IQCJ: variants seen among roughly 807,000 people sequenced by gnomAD.
IQCJ encodes the protein IQ motif containing J.
IQCJ carries 9 observed loss-of-function variants against 11.0 expected under a neutral mutation model. The ratio of observed to expected loss-of-function variants is 0.82; its 90% CI spans 0.49 to 1.43. The LOEUF (loss-of-function observed/expected upper bound fraction) is 1.43. IQCJ is among the 40% of genes most tolerant of loss of function. The probability of loss-of-function intolerance (pLI) is 0.00; values close to 1 mark genes in which losing one functional copy is unlikely to be tolerated. For synonymous variants in IQCJ, 55 were observed against 51.3 expected (o/e 1.07, Z -0.31); for missense variants, 146 against 133.2 (o/e 1.10, Z -0.47).
At chr3:159,155,422 T>G (rs927543055) in intron 1 of IQCJ, among the ~76,000 whole-genome samples, 11 of 152,188 alleles carry the variant, frequency 7.2e-5, no homozygotes, top group Admixed American at 3.3e-4. Context: ...CCTCCCAAAA[T>G]GTTGGGATTA....
In IQCJ at chr3:159,262,528, G is replaced by T. The variant is rs772239276; in HGVS notation, c.156-20G>T. On this transcript the variant is annotated intron_variant, in intron 3 of 3. Coordinates refer to ENST00000397832, the MANE Select transcript of IQCJ (RefSeq NM_001042706.3). Reference sequence around the variant, plus strand: ...AGTAATCATGTGTGTGCTGTTTTTTGTTTTGTTTTGTTTTTTCAGCATTCA... The same window carrying T: ...AGTAATCATGTGTGTGCTGTTTTTTTTTTTGTTTTGTTTTTTCAGCATTCA... The T allele has an allele frequency of 2.9e-5, 46 of 1,605,794 alleles. No individual in the cohort carries two copies. The highest frequency in any genetic ancestry group is 1.7e-5 in the Admixed American group (1 of 58,576).
intron 2 of IQCJ, among the ~76,000 whole-genome samples, chr3:159,248,666 G>GT (rs1435499014): frequency 6.6e-6 from 1 of 152,200 alleles, no homozygotes; most frequent in Non-Finnish European, 1.5e-5. Flanking sequence ...CCTGGAATCA[G>GT]TATTTCTTAA....
chr3:159,211,426 G>A (rs1560027079), intron 1 of IQCJ, among the ~76,000 whole-genome samples: 1 of 152,202 alleles, frequency 6.6e-6, no homozygotes, highest in African/African-American at 2.4e-5. Context: ...AGTTTAAGTG[G>A]TTGCCCACTG....
At chr3:159,184,830 G>C (rs1287389957) in intron 1 of IQCJ, among the ~76,000 whole-genome samples, 1 of 150,824 alleles carries the variant, frequency 6.6e-6, no homozygotes, top group Non-Finnish European at 1.5e-5. Context: ...GCTTATTAAA[G>C]TGTAGTACAG....
At chr3:159,244,485 T>G (rs1486819439) in intron 1 of IQCJ, among the ~76,000 whole-genome samples, 4 of 152,234 alleles carry the variant, frequency 2.6e-5, no homozygotes, top group African/African-American at 9.6e-5. Context: ...CTTTTTCATC[T>G]GCAAAATCCT....
chr3:159,135,139 C>T (rs935832937), intron 1 of IQCJ, among the ~76,000 whole-genome samples: 1 of 152,172 alleles, frequency 6.6e-6, no homozygotes, highest in African/African-American at 2.4e-5. Flanking sequence ...TTACTGTGGC[C>T]ATCTTTCAAC....
At chr3:159,239,930 T>C (rs1726817793) in intron 1 of IQCJ, among the ~76,000 whole-genome samples, 1 of 152,210 alleles carries the variant, frequency 6.6e-6, no homozygotes. Context: ...TAGGTTTGTG[T>C]AGGCATACTC....
At chr3:159,214,931 C>T (rs952664653) in intron 1 of IQCJ, among the ~76,000 whole-genome samples, 2 of 152,182 alleles carry the variant, frequency 1.3e-5, no homozygotes, top group African/African-American at 4.8e-5. Context: ...CAGTCTGCCA[C>T]CCTGATGGGA....
chr3:159,157,514 T>G (rs1721593251), intron 1 of IQCJ, among the ~76,000 whole-genome samples: 1 of 152,210 alleles, frequency 6.6e-6, no homozygotes, highest in African/African-American at 2.4e-5. Flanking sequence ...GTGAACTCAT[T>G]GTAGCCTACA....
At chr3:159,157,651 A>C (rs1419437231) in intron 1 of IQCJ, among the ~76,000 whole-genome samples, 2 of 152,204 alleles carry the variant, frequency 1.3e-5, no homozygotes, top group East Asian at 3.9e-4. Flanking sequence ...AAAAGTGAAC[A>C]ATTTCCCTTC....
At chr3:159,254,959 G>C (rs1327072650) in intron 3 of IQCJ, among the ~76,000 whole-genome samples, 1 of 152,216 alleles carries the variant, frequency 6.6e-6, no homozygotes, top group Non-Finnish European at 1.5e-5. Context: ...TGCTCTGCGG[G>C]GGCTTTGCCC....
At chr3:159,183,426 G>A (rs965932317) in intron 1 of IQCJ, among the ~76,000 whole-genome samples, 1 of 152,032 alleles carries the variant, frequency 6.6e-6, no homozygotes, top group Non-Finnish European at 1.5e-5. Context: ...TACTTTGTCT[G>A]TTATGCTCCT....
At chr3:159,112,658 G>C (rs184521191) in intron 1 of IQCJ, among the ~76,000 whole-genome samples, 1 of 152,108 alleles carries the variant, frequency 6.6e-6, no homozygotes, top group Non-Finnish European at 1.5e-5. Flanking sequence ...CCTGGATGCT[G>C]ACCGTAGCCT....
chr3:159,125,772 A>C (rs1719645276), intron 1 of IQCJ, among the ~76,000 whole-genome samples: 1 of 152,192 alleles, frequency 6.6e-6, no homozygotes, highest in Non-Finnish European at 1.5e-5. Context: ...TTCAAGTTCA[A>C]ATTCAGCCTA....
At chr3:159,222,524 G>T (rs2108122031) in intron 1 of IQCJ, among the ~76,000 whole-genome samples, 1 of 152,264 alleles carries the variant, frequency 6.6e-6, no homozygotes, top group African/African-American at 2.4e-5. Context: ...GTAGAATGCT[G>T]ATTACCAGAG....
intron 1 of IQCJ, among the ~76,000 whole-genome samples, chr3:159,156,821 A>T (rs1365931570): frequency 6.6e-6 from 1 of 152,214 alleles, no homozygotes; most frequent in Non-Finnish European, 1.5e-5. Context: ...CCCAATCAAT[A>T]AAAAGGCCTT....
intron 1 of IQCJ, among the ~76,000 whole-genome samples, chr3:159,138,470 C>A (rs1720422451): frequency 6.6e-6 from 1 of 152,174 alleles, no homozygotes; most frequent in Admixed American, 6.5e-5. Context: ...TGAATTCAAG[C>A]CTCTGTTCTT....
chr3:159,231,960 T>C (rs1726275987), intron 1 of IQCJ, among the ~76,000 whole-genome samples: 1 of 152,238 alleles, frequency 6.6e-6, no homozygotes, highest in Non-Finnish European at 1.5e-5. Context: ...TGTATTTCTG[T>C]GGGATCAGTG....
intron 1 of IQCJ, among the ~76,000 whole-genome samples, chr3:159,198,006 G>C (rs1724091758): frequency 1.3e-5 from 2 of 152,128 alleles, no homozygotes; most frequent in South Asian, 4.1e-4. Flanking sequence ...GTCTAAGGAA[G>C]GTTGTTTTCT....
Sources: gnomAD v4.1 joint callset for allele counts (sites outside exome capture counted in the v4.1 genomes callset) on GRCh38, gnomAD v4.1.1 for gene constraint, MANE v1.5 for transcripts, NCBI Gene and HGNC (gene_info 2026-07-23, HGNC 2026-07-21) for gene names.